TBC1D2B: variants seen among roughly 807,000 people sequenced by gnomAD.
The protein encoded by TBC1D2B is TBC1 domain family member 2B.
A neutral mutation model predicts 100.8 loss-of-function variants in TBC1D2B; 64 were observed. That is an observed-to-expected ratio of 0.64 (90% confidence interval 0.52 to 0.78). TBC1D2B has a LOEUF of 0.78. Among genes scored for constraint, TBC1D2B ranks in the 30% least tolerant of loss-of-function variants. The pLI is 0.00. For synonymous variants in TBC1D2B, 480 were observed against 479.7 expected (o/e 1.00, Z -0.01); for missense variants, 1,052 against 1,218.4 (o/e 0.86, Z 2.03).
intron 10 of TBC1D2B, 32 bp downstream of exon 10, chr15:78,008,965 T>C (rs748357741): frequency 1.4e-6 from 2 of 1,448,732 alleles, no homozygotes; most frequent in South Asian, 1.2e-5. Context: ...ATTCTAAAAG[T>C]GGTGACTAAA....
intron 9 of TBC1D2B, among the ~76,000 whole-genome samples, chr15:78,009,586 C>G (rs999550720): frequency 6.6e-6 from 1 of 151,616 alleles, no homozygotes; most frequent in Non-Finnish European, 1.5e-5. Context: ...ATTTGAGAAG[C>G]AAAGCTACTT....
intron 1 of TBC1D2B, among the ~76,000 whole-genome samples, chr15:78,059,895 G>T (rs1023953015): frequency 6.6e-6 from 1 of 152,162 alleles, no homozygotes; most frequent in African/African-American, 2.4e-5. Flanking sequence ...ACATGATTGT[G>T]AGGACAGGGG....
chr15:78,022,998 G>A (rs1183835262), intron 6 of TBC1D2B, among the ~76,000 whole-genome samples: 4 of 152,160 alleles, frequency 2.6e-5, no homozygotes, highest in African/African-American at 9.7e-5. Context: ...TGGGGACCAT[G>A]TACATATTCC....
intron 3 of TBC1D2B, among the ~76,000 whole-genome samples, chr15:78,040,970 TC>T (rs1250386742): frequency 1.3e-5 from 2 of 152,206 alleles, no homozygotes; most frequent in African/African-American, 4.8e-5. Flanking sequence ...ACTGCAGTTC[TC>T]TGTTATCTTT....
At chr15:78,077,211 G>C in intron 1 of TBC1D2B, 82 bp downstream of exon 1, 2 of 1,388,834 alleles carry the variant, frequency 1.4e-6, no homozygotes, top group East Asian at 3.0e-5. Flanking sequence ...TTGGAGGAAG[G>C]AGGGTGGATG....
At chr15:78,073,156 G>A (rs1369935497) in intron 1 of TBC1D2B, among the ~76,000 whole-genome samples, 2 of 152,178 alleles carry the variant, frequency 1.3e-5, no homozygotes, top group Admixed American at 1.3e-4. Context: ...CTAGCTTCAT[G>A]ATGTTGGCAA....
At chr15:78,059,403 A>ATGAGAC (rs1044091137) in intron 1 of TBC1D2B, among the ~76,000 whole-genome samples, 72 of 152,194 alleles carry the variant, frequency 4.7e-4, no homozygotes, top group Admixed American at 2.0e-4. Flanking sequence ...CAATCCCAAT[A>ATGAGAC]TGAGACCAAG....
intron 1 of TBC1D2B, among the ~76,000 whole-genome samples, chr15:78,076,367 G>A (rs1333995896): frequency 6.6e-6 from 1 of 152,236 alleles, no homozygotes; most frequent in Non-Finnish European, 1.5e-5. Context: ...CCTACTGGCT[G>A]TGTGACCTTA....
chr15:77,996,968 C>T lies in TBC1D2B; in HGVS notation c.*1192G>A, dbSNP rs1228436880. On this transcript the variant is annotated 3_prime_UTR_variant, in exon 13 of 13. Transcript: ENST00000300584. ...CTTCAGAAAGGCAGTCCTCTGAGTT[C>T]CCAGAAACTGCTGTGTCAGAGGCAA... 1 of 152,266 alleles carries T rather than the reference C, an allele frequency of 6.6e-6. No individual in the cohort carries two copies. The highest frequency in any genetic ancestry group is 2.4e-5 in the African/African-American group (1 of 41,466). The allele number at this position is 152,266 out of a possible 1,614,324, so 9.4% of individuals were successfully genotyped here.
chr15:77,998,632 C>G, intron 12 of TBC1D2B: 1 of 397,774 alleles, frequency 2.5e-6, no homozygotes, highest in Non-Finnish European at 4.6e-6. Flanking sequence ...CTCTGATCTT[C>G]ATCTGCACAC....
intron 12 of TBC1D2B, 121 bp from the exon 13 acceptor site, chr15:77,998,476 G>C: frequency 1.1e-6 from 1 of 896,954 alleles, no homozygotes; most frequent in Non-Finnish European, 1.6e-6. Context: ...GCCAGGCTTG[G>C]GGCCTGATGT....
At chr15:78,038,380 A>G (rs940754774) in intron 3 of TBC1D2B, among the ~76,000 whole-genome samples, 5 of 152,230 alleles carry the variant, frequency 3.3e-5, no homozygotes, top group African/African-American at 1.2e-4. Context: ...AGCAGAAGTA[A>G]CCAGAGAAGA....
chr15:78,021,369 C>A (rs752694803), intron 6 of TBC1D2B, among the ~76,000 whole-genome samples: 9 of 152,006 alleles, frequency 5.9e-5, no homozygotes, highest in Non-Finnish European at 1.2e-4. Context: ...AATTTGGAAT[C>A]AGAAGTAGGA....
chr15:77,998,614 T>A (rs897098287), intron 12 of TBC1D2B: 8 of 439,758 alleles, frequency 1.8e-5, no homozygotes, highest in Non-Finnish European at 2.5e-5. Context: ...TCACCCCCCT[T>A]TTCTGGCCTC....
intron 6 of TBC1D2B, among the ~76,000 whole-genome samples, chr15:78,022,568 G>A (rs999358155): frequency 2.0e-5 from 3 of 151,504 alleles, no homozygotes; most frequent in East Asian, 1.9e-4. Flanking sequence ...TTCTTGCAAC[G>A]GGGTCTCACT....
intron 3 of TBC1D2B, among the ~76,000 whole-genome samples, chr15:78,044,307 A>G (rs746862283): frequency 6.6e-6 from 1 of 152,170 alleles, no homozygotes; most frequent in Non-Finnish European, 1.5e-5. Context: ...TTCTTTAAAA[A>G]ACAAGTCAAC....
intron 3 of TBC1D2B, among the ~76,000 whole-genome samples, chr15:78,031,032 C>T (rs930649113): frequency 1.3e-5 from 2 of 152,052 alleles, no homozygotes; most frequent in African/African-American, 4.8e-5. Context: ...CAAAGCTATA[C>T]GTATCATAGG....
intron 4 of TBC1D2B, 79 bp downstream of exon 4, chr15:78,029,928 T>C: frequency 2.5e-6 from 3 of 1,222,196 alleles, no homozygotes; most frequent in Non-Finnish European, 3.3e-6. Context: ...AAATACCTGC[T>C]AATAATGTGT....
At chr15:78,023,303 G>A (rs2072562740) in intron 6 of TBC1D2B, among the ~76,000 whole-genome samples, 1 of 152,172 alleles carries the variant, frequency 6.6e-6, no homozygotes, top group African/African-American at 2.4e-5. Context: ...GTCTGCTGGG[G>A]TCAAACAGGC....
Sources: gnomAD v4.1 joint callset for allele counts (sites outside exome capture counted in the v4.1 genomes callset) on GRCh38, gnomAD v4.1.1 for gene constraint, MANE v1.5 for transcripts, NCBI Gene and HGNC (gene_info 2026-07-23, HGNC 2026-07-21) for gene names.